The following C3orf22 variants were observed in gnomAD, a reference collection of about 807,000 sequenced individuals.
C3orf22 encodes chromosome 3 open reading frame 22.
Under a neutral mutation model 10.8 loss-of-function variants are expected in C3orf22, and 7 were observed. The ratio of observed to expected loss-of-function variants is 0.65; its 90% CI spans 0.37 to 1.22. The LOEUF is 1.22. Among genes scored for constraint, C3orf22 ranks in the 50% most tolerant of loss-of-function variants. The pLI, the probability that C3orf22 is intolerant of heterozygous loss-of-function variation, is 0.02. For synonymous variants in C3orf22, 79 were observed against 78.9 expected (o/e 1.00, Z 0.00); for missense variants, 173 against 177.0 (o/e 0.98, Z 0.13).
intron 5 of C3orf22, among the ~76,000 whole-genome samples, chr3:126,528,945 C>T (rs1295925709): frequency 4.6e-5 from 7 of 152,244 alleles, no homozygotes; most frequent in African/African-American, 1.4e-4. Flanking sequence ...CAGAGGCCCT[C>T]GGAGGCCACG....
In C3orf22 at chr3:126,552,121, A is replaced by G. The variant is rs1196294994; in HGVS notation, c.91T>C (p.Leu31=). The G allele has an allele frequency of 6.2e-7, 1 of 1,613,688 alleles. No individual in the cohort carries two copies. Among genetic ancestry groups the G allele is most frequent in the South Asian group, 1.1e-5 (1 of 91,062 alleles). The change falls in exon 3 of 4, where the codon TTG becomes CTG. Residue 31 remains leucine (L), a splice_region_variant and synonymous_variant. Coordinates refer to ENST00000318225, the MANE Select transcript of C3orf22 (RefSeq NM_152533.3). ...GGGTCGGGCTCTGTCAGCCACGACA[A>G]CCTGCAACAGCACTTGGAATGTCAA... ...ENFAKKFPYR[L]SWLTEPDPEP...
chr3:126,536,948 G>A lies in C3orf22; in HGVS notation c.287-7576C>T, dbSNP rs112895272. On this transcript the variant is annotated intron_variant and NMD_transcript_variant, in intron 4 of 5. Coordinates refer to the C3orf22 transcript ENST00000505070. ...ACCCCACACACACAAGTACTTATTCGGACAGCACATATTGAGCACCTACTG... is the reference window on the plus strand; with the variant it reads ...ACCCCACACACACAAGTACTTATTCAGACAGCACATATTGAGCACCTACTG... Among the ~76,000 whole-genome samples, 4 of 150,034 alleles carry A rather than the reference G, an allele frequency of 2.7e-5. No individual in the cohort carries two copies. The South Asian group carries it at 6.3e-4, about 24-fold the overall frequency.
exon 5 of C3orf22, chr3:126,529,148 G>A (rs1576746203): frequency 7.7e-6 from 3 of 388,616 alleles, no homozygotes; most frequent in South Asian, 2.1e-5. Flanking sequence ...CAGGGCGCGA[G>A]CCCTGCTTTG....
downstream of C3orf22, among the ~76,000 whole-genome samples, chr3:126,545,606 G>A (rs929613089): frequency 2.6e-5 from 4 of 152,202 alleles, no homozygotes; most frequent in East Asian, 7.7e-4. Context: ...GAATGCATCT[G>A]TGGGCTTCAG....
downstream of C3orf22, among the ~76,000 whole-genome samples, chr3:126,547,727 G>C (rs886450345): frequency 5.9e-5 from 9 of 152,158 alleles, no homozygotes; most frequent in Non-Finnish European, 1.3e-4. Context: ...TGATAAAGGA[G>C]GTGCTCAGGA....
At chr3:126,540,035 C>T (rs990109085) in intron 4 of C3orf22, among the ~76,000 whole-genome samples, 1 of 149,510 alleles carries the variant, frequency 6.7e-6, no homozygotes, top group Non-Finnish European at 1.5e-5. Context: ...ACACGCACAC[C>T]ACACACCACA....
At chr3:126,528,273 A>G (rs537056580) in intron 5 of C3orf22, among the ~76,000 whole-genome samples, 1 of 152,252 alleles carries the variant, frequency 6.6e-6, no homozygotes, top group East Asian at 1.9e-4. Context: ...GTCAGAGGGC[A>G]TCAGTCTTTA....
intron 4 of C3orf22, chr3:126,542,296 G>A: frequency 1.3e-6 from 2 of 1,564,466 alleles, no homozygotes; most frequent in Middle Eastern, 1.7e-4. Context: ...AGCACTGGGA[G>A]CGCGCGCACG....
chr3:126,543,993 A>G (rs1293712474), intron 4 of C3orf22, among the ~76,000 whole-genome samples: 1 of 152,178 alleles, frequency 6.6e-6, no homozygotes, highest in South Asian at 2.1e-4. Flanking sequence ...CCTGGGTGCT[A>G]TGGTTTGAAT....
At chr3:126,556,917 C>G (rs902818011) in intron 1 of C3orf22, among the ~76,000 whole-genome samples, 1 of 126,010 alleles carries the variant, frequency 7.9e-6, no homozygotes, top group African/African-American at 3.5e-5. Context: ...CACACATAGA[C>G]ACACACAGAC....
At chr3:126,539,308 C>T (rs1936871229) in intron 4 of C3orf22, among the ~76,000 whole-genome samples, 1 of 152,052 alleles carries the variant, frequency 6.6e-6, no homozygotes, top group African/African-American at 2.4e-5. Flanking sequence ...TATTTCTTTC[C>T]CTTTTTCAAC....
chr3:126,552,925 G>A (rs981852267), intron 2 of C3orf22, among the ~76,000 whole-genome samples: 4 of 151,266 alleles, frequency 2.6e-5, no homozygotes, highest in Admixed American at 1.3e-4. Context: ...AGGCCCCCTC[G>A]GGCTGCCCGT....
At chr3:126,540,157 C>T (rs1249051843) in intron 4 of C3orf22, among the ~76,000 whole-genome samples, 1 of 152,080 alleles carries the variant, frequency 6.6e-6, no homozygotes, top group Admixed American at 6.5e-5. Context: ...GGCCCTGGCT[C>T]TGGTGTTCCT....
intron 5 of C3orf22, chr3:126,529,020 A>C: frequency 2.9e-6 from 1 of 346,608 alleles, no homozygotes; most frequent in Non-Finnish European, 5.7e-6. Context: ...CTCCTCTTGC[A>C]ACACTGTAAC....
intron 4 of C3orf22, among the ~76,000 whole-genome samples, chr3:126,532,703 A>G (rs896239001): frequency 1.3e-5 from 2 of 152,206 alleles, no homozygotes; most frequent in Non-Finnish European, 1.5e-5. Context: ...AGGAAATGTG[A>G]ATCCTCTAAC....
At chr3:126,542,181 C>T in intron 4 of C3orf22, 1 of 1,447,222 alleles carries the variant, frequency 6.9e-7, no homozygotes, top group Non-Finnish European at 9.0e-7. Context: ...CGCCTGCGGC[C>T]GCGCGCGCTC....
chr3:126,535,507 C>G (rs1204854649), intron 4 of C3orf22, among the ~76,000 whole-genome samples: 1 of 151,258 alleles, frequency 6.6e-6, no homozygotes, highest in African/African-American at 2.4e-5. Context: ...CAGACAGTAT[C>G]GCTGTCCTCA....
chr3:126,527,333 T>G (rs2107561308), exon 6 of C3orf22: 1 of 152,374 alleles, frequency 6.6e-6, no homozygotes, highest in South Asian at 2.1e-4. Flanking sequence ...TCTGTGCCTG[T>G]GACTGAAAAG....
Position 126,549,740 on chromosome 3 carries a change from A to G in C3orf22, c.*128T>C. 3 of 1,507,036 alleles carry G rather than the reference A, an allele frequency of 2.0e-6. No homozygotes were observed. The highest frequency in any genetic ancestry group is 1.3e-5 in the South Asian group (1 of 77,282). The allele number at this position is 1,507,036 out of a possible 1,614,324, so 93.4% of individuals were successfully genotyped here. Reference sequence around the variant, plus strand: ...TAGCTTGGTGTAGCTTTTTGGGGGGACCACAAACCACTCCCGGTCTATGAT... The same window carrying G: ...TAGCTTGGTGTAGCTTTTTGGGGGGGCCACAAACCACTCCCGGTCTATGAT... On this transcript the variant is annotated 3_prime_UTR_variant, in exon 4 of 4. Coordinates refer to ENST00000318225, the MANE Select transcript of C3orf22 (RefSeq NM_152533.3).
Sources: allele counts gnomAD v4.1 joint callset (sites outside exome capture counted in the v4.1 genomes callset), GRCh38; gene constraint gnomAD v4.1.1; transcripts MANE v1.5; gene names NCBI Gene and HGNC (gene_info 2026-07-23, HGNC 2026-07-21).